Variants in ASXL3 observed in about 807,000 individuals in gnomAD.
The protein encoded by ASXL3 is ASXL transcriptional regulator 3, also known as putative Polycomb group protein ASXL3.
Under a neutral mutation model 170.6 loss-of-function variants are expected in ASXL3, and 34 were observed. The ratio of observed to expected loss-of-function variants is 0.20; its 90% CI spans 0.15 to 0.27. The LOEUF (loss-of-function observed/expected upper bound fraction) is 0.27. Among genes scored for constraint, ASXL3 ranks in the 10% least tolerant of loss-of-function variants. ASXL3 has a pLI of 1.00. For missense variants in ASXL3, 2,592 were observed against 2,695.3 expected (o/e 0.96, Z 0.85); for synonymous variants, 1,002 against 989.1 (o/e 1.01, Z -0.24).
chr18:33,718,026 C>T (rs572677915), intron 8 of ASXL3, among the ~76,000 whole-genome samples: 85 of 152,192 alleles, frequency 5.6e-4, no homozygotes, highest in African/African-American at 1.8e-3. Flanking sequence ...CTCCTACTAC[C>T]TATATGTTCC....
At chr18:33,704,064 TTAAA>T (rs1272925226) in intron 8 of ASXL3, among the ~76,000 whole-genome samples, 2 of 152,152 alleles carry the variant, frequency 1.3e-5, no homozygotes, top group East Asian at 3.9e-4. Context: ...AAGGCATTTG[TTAAA>T]TAAACTGCTC....
At chr18:33,591,674 C>G (rs2065079284) in intron 1 of ASXL3, among the ~76,000 whole-genome samples, 1 of 147,234 alleles carries the variant, frequency 6.8e-6, no homozygotes, top group Non-Finnish European at 1.5e-5. Context: ...CGAAGTCTTT[C>G]TCTGTCGCCC....
chr18:33,640,584 C>T (rs2065831089), intron 2 of ASXL3, among the ~76,000 whole-genome samples: 2 of 151,986 alleles, frequency 1.3e-5, no homozygotes, highest in South Asian at 4.1e-4. Context: ...GAAGTATATA[C>T]AGAGTTTAGT....
chr18:33,671,993 C>CAA, intron 7 of ASXL3, 127 bp downstream of exon 7: 1 of 1,016,994 alleles, frequency 9.8e-7, no homozygotes, highest in Non-Finnish European at 1.4e-6. Flanking sequence ...CTCCATTTAT[C>CAA]AAAACCAAAA....
chr18:33,668,210 G>C (rs1210691138), intron 5 of ASXL3, among the ~76,000 whole-genome samples: 2 of 152,062 alleles, frequency 1.3e-5, no homozygotes, highest in Admixed American at 1.3e-4. Context: ...GAGATCACTT[G>C]AGGTCAGGAG....
chr18:33,710,971 A>C (rs2067050979), intron 8 of ASXL3, among the ~76,000 whole-genome samples: 1 of 152,180 alleles, frequency 6.6e-6, no homozygotes, highest in African/African-American at 2.4e-5. Context: ...TGCCTTATGA[A>C]TATAATTGTA....
At chr18:33,661,192 A>G (rs1203279681) in intron 4 of ASXL3, among the ~76,000 whole-genome samples, 3 of 152,174 alleles carry the variant, frequency 2.0e-5, no homozygotes, top group African/African-American at 7.2e-5. Context: ...AAGCATCATA[A>G]TATCTGTGAG....
intron 1 of ASXL3, among the ~76,000 whole-genome samples, chr18:33,581,500 T>TGTGTGTGTGTGTGTGA (rs2064992261): frequency 6.6e-6 from 1 of 151,850 alleles, no homozygotes; most frequent in African/African-American, 2.4e-5. Flanking sequence ...TGTGTGTGTG[T>TGTGTGTGTGTGTGTGA]GATTTTCTTG....
Position 33,751,169 on chromosome 18 carries a change from G to A in ASXL3, c.*4574G>A, listed in dbSNP as rs1048114607. The A allele has an allele frequency of 5.3e-5, 8 of 152,016 alleles. No individual in the cohort carries two copies. Among genetic ancestry groups the A allele is most frequent in the Non-Finnish European group, 1.2e-4 (8 of 67,992 alleles). The allele number at this position is 152,016 out of a possible 1,614,324, so 9.4% of individuals were successfully genotyped here. A position where few individuals can be genotyped will look rare whatever the true frequency, so the allele number is the denominator to read the frequency against. On this transcript the variant is annotated 3_prime_UTR_variant, in exon 12 of 12. Coordinates refer to ENST00000269197, the MANE Select transcript of ASXL3 (RefSeq NM_030632.3). ...TGGGTTTCAATATTAAGATATTCTG[G>A]AGAAAATAAAGAAATTAAACATGAA...
intron 1 of ASXL3, among the ~76,000 whole-genome samples, chr18:33,596,798 C>G (rs1373705353): frequency 2.0e-5 from 3 of 152,108 alleles, no homozygotes; most frequent in Non-Finnish European, 4.4e-5. Context: ...CCTTCTTTCT[C>G]TCTCTGTTTC....
intron 1 of ASXL3, among the ~76,000 whole-genome samples, chr18:33,593,645 T>C (rs1177785933): frequency 2.0e-5 from 3 of 152,196 alleles, no homozygotes; most frequent in East Asian, 3.9e-4. Context: ...TGTTTCATGC[T>C]GTAAATTAAA....
chr18:33,610,933 T>C (rs1237056612), intron 2 of ASXL3, among the ~76,000 whole-genome samples: 1 of 152,112 alleles, frequency 6.6e-6, no homozygotes, highest in African/African-American at 2.4e-5. Context: ...CTGTTGCTTG[T>C]TTTCAAACAC....
At position 33,745,743 on chromosome 18, in the gene ASXL3, G is replaced by A; in HGVS notation, c.5895G>A (p.Arg1965=). 6.2e-7 allele frequency: 1 copy of A among 1,613,954 alleles called. No homozygotes were observed. The highest frequency in any genetic ancestry group is 8.5e-7 in the Non-Finnish European group (1 of 1,179,882). Residue 1965 remains arginine, a synonymous_variant, in exon 12 of 12, where the codon AGG becomes AGA. Coordinates refer to ENST00000269197, the MANE Select transcript of ASXL3 (RefSeq NM_030632.3). The part of the protein sequence containing the change: ...PVGCNAFAFN[R]HLEQKGLGEV... ...GGTGTAATGCATTTGCCTTCAACAGGCATCTTGAACAGAAGGGATTGGGAG... is the reference window on the plus strand; with the variant it reads ...GGTGTAATGCATTTGCCTTCAACAGACATCTTGAACAGAAGGGATTGGGAG...
At chr18:33,721,923 T>C (rs914583639) in intron 8 of ASXL3, among the ~76,000 whole-genome samples, 4 of 152,026 alleles carry the variant, frequency 2.6e-5, no homozygotes, top group African/African-American at 7.2e-5. Context: ...TCTCATAATA[T>C]TTCAAGCATT....
intron 2 of ASXL3, among the ~76,000 whole-genome samples, chr18:33,611,978 G>A (rs1026959772): frequency 6.6e-6 from 1 of 151,934 alleles, no homozygotes; most frequent in African/African-American, 2.4e-5. Flanking sequence ...ATATCCAGGG[G>A]CTGCAAGGTT....
At position 33,578,472 on chromosome 18, in the gene ASXL3, C is replaced by CGCCGCT. The variant is rs2064963494; in HGVS notation, c.-155_-154insTGCCGC. The CGCCGCT allele has an allele frequency of 5.1e-6, 1 of 194,970 alleles. No homozygotes were observed. Among genetic ancestry groups the CGCCGCT allele is most frequent in the African/African-American group, 2.9e-5 (1 of 34,584 alleles). The allele number at this position is 194,970 out of a possible 1,614,324, so 12.1% of individuals were successfully genotyped here. A position where few individuals can be genotyped will look rare whatever the true frequency, so the allele number is the denominator to read the frequency against. ...CATCCCTCCCACCCGCCGCCGCCGC[C>CGCCGCT]GCCGCCGCCGCCGCCGCCGCCGCCG... is the stretch of plus-strand genomic sequence containing the variant. On this transcript the variant is annotated 5_prime_UTR_variant, in exon 1 of 12. Transcript: ENST00000269197.
rs540661736 is a variant in ASXL3 at position 33,697,594 on chromosome 18, A to G, written c.879+14026A>G. 3.0e-4 allele frequency among the ~76,000 whole-genome samples: 45 copies of G among 152,226 alleles called. 1 individual carries two copies. The South Asian group carries it at 3.5e-3, about 12-fold the overall frequency. On this transcript the variant is annotated intron_variant, in intron 8 of 11. Transcript: ENST00000269197. ...CTAAGGCGTATGATTTTCCAATCTG[A>G]CTAGTGAGAACAAGCACTGTTCCTG...
intron 8 of ASXL3, among the ~76,000 whole-genome samples, chr18:33,686,682 T>G (rs1021647124): frequency 6.6e-6 from 1 of 152,226 alleles, no homozygotes; most frequent in Non-Finnish European, 1.5e-5. Flanking sequence ...GCTATTCTGC[T>G]GAGGGGGAAT....
At position 33,744,545 on chromosome 18, in the gene ASXL3, C is replaced by T; in HGVS notation, c.4697C>T (p.Pro1566Leu). 1 of 1,611,858 alleles carries T rather than the reference C, an allele frequency of 6.2e-7. No individual in the cohort carries two copies. Among genetic ancestry groups the T allele is most frequent in the Non-Finnish European group, 8.5e-7 (1 of 1,179,470 alleles). The change falls in exon 12 of 12, where the codon CCA (proline) becomes CTA (leucine). Residue 1566 changes from proline (P) to leucine (L), a missense_variant. By Grantham distance (98) the Pro-to-Leu change is moderately conservative. Transcript: ENST00000269197. ...CTSLRELPLVPDKLNEPTAPS... is the reference protein window; with the variant it reads ...CTSLRELPLVLDKLNEPTAPS... ...AGTCTCCGAGAATTACCCCTTGTTC[C>T]AGATAAATTAAATGAGCCGACTGCT...
Sources: gnomAD v4.1 joint callset for allele counts (sites outside exome capture counted in the v4.1 genomes callset) on GRCh38, gnomAD v4.1.1 for gene constraint, MANE v1.5 for transcripts, NCBI Gene and HGNC (gene_info 2026-07-23, HGNC 2026-07-21) for gene names.